MIX23: variants seen among roughly 807,000 people sequenced by gnomAD.
The protein encoded by MIX23 is mitochondrial matrix import factor 23, also known as protein MIX23.
In MIX23, 13 loss-of-function variants were observed where a neutral mutation model predicts 21.6. The ratio of observed to expected loss-of-function variants is 0.60; its 90% CI spans 0.39 to 0.96. The LOEUF is 0.96. MIX23 is among the 40% of genes least tolerant of loss of function. MIX23 has a pLI of 0.00. For synonymous variants in MIX23, 59 were observed against 58.0 expected (o/e 1.02, Z -0.08); for missense variants, 144 against 171.2 (o/e 0.84, Z 0.89).
Position 122,368,318 on chromosome 3 carries a change from A to G in MIX23, c.182T>C (p.Met61Thr), listed in dbSNP as rs767883247. 1.3e-6 allele frequency: 2 copies of G among 1,581,822 alleles called. No individual in the cohort carries two copies. The highest frequency in any genetic ancestry group is 1.7e-6 in the Non-Finnish European group (2 of 1,172,770). ...TCTGTCTCTACTGGCATGAGCTGCCATCAACTAAAAGAACAAAGGAATGAA... is the reference window on the plus strand; with the variant it reads ...TCTGTCTCTACTGGCATGAGCTGCCGTCAACTAAAAGAACAAAGGAATGAA... ...QTCKQLYESLMAAHASRDRVI... is the reference protein window; with the variant it reads ...QTCKQLYESLTAAHASRDRVI... The change falls in exon 3 of 5, where the codon ATG becomes ACG. Residue 61 changes from methionine to threonine, a missense_variant. Transcript: ENST00000291458.
chr3:122,372,108 C>T (rs1284434989), intron 1 of MIX23, among the ~76,000 whole-genome samples: 2 of 151,706 alleles, frequency 1.3e-5, no homozygotes, highest in Non-Finnish European at 2.9e-5. Context: ...ACAGTGTATG[C>T]TCCTTCCACC....
intron 1 of MIX23, 75 bp downstream of exon 1, chr3:122,383,099 T>A: frequency 6.4e-7 from 1 of 1,560,884 alleles, no homozygotes; most frequent in Non-Finnish European, 8.8e-7. Flanking sequence ...TGGTTCATAC[T>A]CCCTCGCAAA....
At chr3:122,381,641 T>C (rs2075532488) in intron 1 of MIX23, among the ~76,000 whole-genome samples, 1 of 149,830 alleles carries the variant, frequency 6.7e-6, no homozygotes, top group South Asian at 2.1e-4. Flanking sequence ...TCGCTTGAAC[T>C]CGGGAGGTGG....
chr3:122,367,809 G>A, intron 3 of MIX23: 1 of 209,346 alleles, frequency 4.8e-6, no homozygotes, highest in Non-Finnish European at 9.6e-6. Flanking sequence ...GTTTTTCTCA[G>A]GTTATGTCTC....
intron 1 of MIX23, among the ~76,000 whole-genome samples, chr3:122,381,822 A>C (rs2075535246): frequency 6.6e-6 from 1 of 152,104 alleles, no homozygotes; most frequent in Non-Finnish European, 1.5e-5. Context: ...CATAGAGAAG[A>C]CATGGTGAGA....
At chr3:122,377,965 T>C (rs931548856) in intron 1 of MIX23, among the ~76,000 whole-genome samples, 18 of 152,228 alleles carry the variant, frequency 1.2e-4, no homozygotes, top group Non-Finnish European at 2.4e-4. Context: ...GAAAAGGTAA[T>C]GTGGCTTAAG....
chr3:122,382,601 T>C (rs2075542189), intron 1 of MIX23, among the ~76,000 whole-genome samples: 1 of 152,216 alleles, frequency 6.6e-6, no homozygotes. Flanking sequence ...CAGGTGTTAA[T>C]AATTAGCCCT....
chr3:122,362,892 C>G, intron 4 of MIX23, 76 bp downstream of exon 4: 1 of 1,142,782 alleles, frequency 8.8e-7, no homozygotes, highest in South Asian at 1.2e-5. Flanking sequence ...GCACTCTTTA[C>G]TCCCCCTCCC....
At chr3:122,364,507 A>G (rs1228170289) in intron 3 of MIX23, among the ~76,000 whole-genome samples, 1 of 152,250 alleles carries the variant, frequency 6.6e-6, no homozygotes, top group Non-Finnish European at 1.5e-5. Flanking sequence ...GATACTATGT[A>G]GAAAAGGGTT....
At chr3:122,376,727 C>A (rs12633068) in intron 1 of MIX23, among the ~76,000 whole-genome samples, 3 of 151,990 alleles carry the variant, frequency 2.0e-5, no homozygotes, top group Non-Finnish European at 4.4e-5. Flanking sequence ...AATCAAATAC[C>A]AAATGTGCTT....
chr3:122,360,269 T>C (rs2075348062), intron 4 of MIX23, among the ~76,000 whole-genome samples: 1 of 152,156 alleles, frequency 6.6e-6, no homozygotes, highest in African/African-American at 2.4e-5. Context: ...ATAAGTTAAA[T>C]AAAGAATGCT....
chr3:122,367,631 A>C (rs1280992177), intron 3 of MIX23, among the ~76,000 whole-genome samples: 5 of 152,236 alleles, frequency 3.3e-5, no homozygotes, highest in Non-Finnish European at 7.3e-5. Flanking sequence ...ACTTTTACAC[A>C]GTAGGGAAAT....
chr3:122,368,178 TTGTC>T lies in MIX23; in HGVS notation c.318_321del (p.Thr107SerfsTer2). 1 of 1,610,274 alleles carries T rather than the reference TTGTC, an allele frequency of 6.2e-7. No homozygotes were observed. On this transcript the variant is annotated frameshift_variant, in exon 3 of 5. Transcript: ENST00000291458. LOFTEE classifies it high-confidence loss of function. The stretch of plus-strand genomic sequence containing the variant: ...AATGTTAATTCTGTTCAACTTACCT[TTGTC>T]TGCTCTTTTCTAAGTTGTTTTAATA...
intron 1 of MIX23, among the ~76,000 whole-genome samples, chr3:122,380,603 C>A (rs150529553): frequency 1.3e-5 from 2 of 151,904 alleles, no homozygotes; most frequent in East Asian, 3.9e-4. Flanking sequence ...GAAAGAGACA[C>A]GTATGAGGAC....
intron 2 of MIX23, 86 bp from the exon 3 acceptor site, chr3:122,368,408 A>G: frequency 1.5e-6 from 2 of 1,305,532 alleles, no homozygotes; most frequent in Non-Finnish European, 2.0e-6. Context: ...CCTTGAGACT[A>G]TAGAAATTCA....
At position 122,371,630 on chromosome 3, in the gene MIX23, AAAGAAAGGCATGAAAG is replaced by A. The variant is rs774351296; in HGVS notation, c.177+29_177+44del. 39 of 1,602,672 alleles carry A rather than the reference AAAGAAAGGCATGAAAG, an allele frequency of 2.4e-5. No homozygotes were observed. In the East Asian group the frequency reaches 8.7e-4, roughly 36 times the overall value. The stretch of plus-strand genomic sequence containing the variant: ...ATAACTGATTTCTTATTCAGCCTGC[AAAGAAAGGCATGAAAG>A]AAGCAAAAGACTCAAAAAATACACT... On this transcript the variant is annotated intron_variant, in intron 2 of 4. Transcript: ENST00000291458.
At chr3:122,364,334 A>G (rs1576230290) in intron 3 of MIX23, among the ~76,000 whole-genome samples, 1 of 152,188 alleles carries the variant, frequency 6.6e-6, no homozygotes, top group African/African-American at 2.4e-5. Context: ...AAGCCCACCA[A>G]TGCAACCTAA....
At chr3:122,360,776 G>A (rs950795641) in intron 4 of MIX23, among the ~76,000 whole-genome samples, 14 of 152,104 alleles carry the variant, frequency 9.2e-5, no homozygotes, top group Middle Eastern at 3.4e-3. Context: ...GGCTGCCATT[G>A]ACTATTATAA....
intron 4 of MIX23, among the ~76,000 whole-genome samples, chr3:122,360,681 T>C (rs2075351851): frequency 6.6e-6 from 1 of 152,068 alleles, no homozygotes; most frequent in Non-Finnish European, 1.5e-5. Flanking sequence ...TTGAAAAGAA[T>C]TTTTTCTCAG....
Sources: allele counts gnomAD v4.1 joint callset (sites outside exome capture counted in the v4.1 genomes callset), GRCh38; gene constraint gnomAD v4.1.1; transcripts MANE v1.5; gene names NCBI Gene and HGNC (gene_info 2026-07-23, HGNC 2026-07-21).